Variants in HARS1 observed in about 807,000 individuals in gnomAD.
HARS1 encodes the protein histidine--tRNA ligase, cytoplasmic.
Under a neutral mutation model 63.6 loss-of-function variants are expected in HARS1, and 45 were observed. The ratio of observed to expected loss-of-function variants is 0.71; its 90% CI spans 0.56 to 0.91. HARS1 has a LOEUF of 0.91. Ranked by LOEUF, HARS1 falls within the 40% of genes least tolerant of loss-of-function variation. The pLI is 0.00. For synonymous variants in HARS1, 205 were observed against 247.1 expected (o/e 0.83, Z 1.60); for missense variants, 508 against 643.2 (o/e 0.79, Z 2.27).
rs1758593778 is a variant in HARS1 at position 140,679,538 on chromosome 5, T to C, written c.396+250A>G. 2.2e-6 allele frequency: 1 copy of C among 463,632 alleles called. No homozygotes were observed. The highest frequency in any genetic ancestry group is 3.8e-6 in the Non-Finnish European group (1 of 263,900). 28.7% of individuals were successfully genotyped at this position (463,632 alleles called of 1,614,324 possible). On this transcript the variant is annotated intron_variant, in intron 4 of 12. Coordinates refer to ENST00000504156, the MANE Select transcript of HARS1 (RefSeq NM_002109.6). This position sits in a 1 kb window ranked among gnomAD's most constrained non-coding sequence, Gnocchi z 4.3. ...TGGACAGGGCAGGGGAGAGGTATTCTGGAGCCAGGGGATGACTGTAGAGTT... is the reference window on the plus strand; with the variant it reads ...TGGACAGGGCAGGGGAGAGGTATTCCGGAGCCAGGGGATGACTGTAGAGTT...
intron 3 of HARS1, among the ~76,000 whole-genome samples, chr5:140,680,326 T>C (rs1260100270): frequency 6.6e-6 from 1 of 151,976 alleles, no homozygotes; most frequent in Non-Finnish European, 1.5e-5. Flanking sequence ...TTTGTATTTT[T>C]AGTAGAGACA....
chr5:140,682,338 G>T (rs1240339567), intron 3 of HARS1, among the ~76,000 whole-genome samples: 1 of 152,158 alleles, frequency 6.6e-6, no homozygotes, highest in Non-Finnish European at 1.5e-5. Context: ...AAGAACAAAG[G>T]TGTGGAGGTA....
At position 140,677,059 on chromosome 5, in the gene HARS1, T is replaced by G. The variant is rs1758417980; in HGVS notation, c.881A>C (p.Gln294Pro). The G allele has an allele frequency of 1.2e-6, 2 of 1,614,052 alleles. No individual in the cohort carries two copies. The highest frequency in any genetic ancestry group is 2.7e-5 in the African/African-American group (2 of 74,932). Reference sequence around the variant, plus strand: ...CAGGTCTCCCAGGCCCTCCAAGGCCTGCTTGTTTTGGGATAGTTTAGGATC... The same window carrying G: ...CAGGTCTCCCAGGCCCTCCAAGGCCGGCTTGTTTTGGGATAGTTTAGGATC... ...LQDPKLSQNK[Q>P]ALEGLGDLKL... The change falls in exon 9 of 13, where the codon CAG becomes CCG. Residue 294 changes from glutamine (Q) to proline (P), a missense_variant. Gln to Pro is a moderately conservative substitution (Grantham distance 76, BLOSUM62 -1). Around this residue, in one of 2 missense-constraint regions of HARS1, gnomAD observed 403 missense variants for 548.7 expected, o/e 0.73. Transcript: ENST00000504156.
In HARS1 at chr5:140,679,240, CATA is replaced by C; in HGVS notation, c.397-116_397-114del. On this transcript the variant is annotated intron_variant, in intron 4 of 12. Coordinates refer to ENST00000504156, the MANE Select transcript of HARS1 (RefSeq NM_002109.6). The surrounding 1 kb of genome is among the most constrained non-coding windows in gnomAD (Gnocchi z 4.3). ...TCCCTATGTGGGTAAAACTGCCACC[CATA>C]AGATTAATAGCACTTACAAACATCA... 1.1e-6 allele frequency: 1 copy of C among 925,328 alleles called. No homozygotes were observed. 57.3% of individuals were successfully genotyped at this position (925,328 alleles called of 1,614,324 possible).
At position 140,677,056 on chromosome 5, in the gene HARS1, G is replaced by A. The variant is rs1758417039; in HGVS notation, c.884C>T (p.Ala295Val). Reference sequence around the variant, plus strand: ...CTTCAGGTCTCCCAGGCCCTCCAAGGCCTGCTTGTTTTGGGATAGTTTAGG... The same window carrying A: ...CTTCAGGTCTCCCAGGCCCTCCAAGACCTGCTTGTTTTGGGATAGTTTAGG... ...QDPKLSQNKQ[A>V]LEGLGDLKLL... Residue 295 changes from alanine to valine, a missense_variant, in exon 9 of 13, where the codon GCC becomes GTC. Physicochemically the swap from Ala to Val is moderately conservative, Grantham distance 64 (BLOSUM62 0). This residue lies in a region of HARS1 where 403 missense variants were observed against 548.7 expected (regional missense o/e 0.73). Transcript: ENST00000504156. The A allele has an allele frequency of 6.2e-7, 1 of 1,613,974 alleles. No homozygotes were observed. Among genetic ancestry groups the A allele is most frequent in the African/African-American group, 1.3e-5 (1 of 74,908 alleles).
intron 2 of HARS1, chr5:140,685,324 G>C (rs1245935961): frequency 1.3e-5 from 2 of 152,096 alleles, no homozygotes; most frequent in Non-Finnish European, 2.9e-5. Context: ...TTGTTTAATG[G>C]GTACAGAGTT....
chr5:140,689,395 G>C (rs983479363), intron 2 of HARS1, among the ~76,000 whole-genome samples: 10 of 152,074 alleles, frequency 6.6e-5, no homozygotes, highest in Admixed American at 3.9e-4. Flanking sequence ...CAATGTAAAG[G>C]CTATGTAAAT....
intron 12 of HARS1, 86 bp downstream of exon 12, chr5:140,674,593 G>T: frequency 5.5e-6 from 8 of 1,452,804 alleles, no homozygotes; most frequent in Non-Finnish European, 7.7e-6. Context: ...TCAATGCCAG[G>T]CTTTTTCTCA....
Position 140,679,682 on chromosome 5 carries a change from C to T in HARS1, c.396+106G>A, listed in dbSNP as rs534302664. The T allele has an allele frequency of 1.2e-5, 7 of 578,376 alleles. No homozygotes were observed. Among genetic ancestry groups the T allele is most frequent in the South Asian group, 7.5e-5 (3 of 39,964 alleles). 35.8% of individuals were successfully genotyped at this position (578,376 alleles called of 1,614,324 possible). A position where few individuals can be genotyped will look rare whatever the true frequency, so the allele number is the denominator to read the frequency against. Reference sequence around the variant, plus strand: ...GGTTTAGAGAAATAATTCCCCTAATCGCCAAAGGCCTCATATTTGATCCTA... The same window carrying T: ...GGTTTAGAGAAATAATTCCCCTAATTGCCAAAGGCCTCATATTTGATCCTA... On this transcript the variant is annotated intron_variant, in intron 4 of 12. Coordinates refer to ENST00000504156, the MANE Select transcript of HARS1 (RefSeq NM_002109.6). The surrounding 1 kb of genome is among the most constrained non-coding windows in gnomAD (Gnocchi z 4.3).
chr5:140,683,202 ACTATAGTCTCTTGTGCCCTTGG>A lies in HARS1; in HGVS notation c.181-5_197del. ...TCTCGCGAACTGCCATCTGCCGGGG[ACTATAGTCTCTTGTGCCCTTGG>A]AGTTGAAATCAGCCAGAGAACCAGA... On this transcript the variant is annotated splice_acceptor_variant and splice_polypyrimidine_tract_variant and coding_sequence_variant and intron_variant, in exon 3 of 13. Coordinates refer to ENST00000504156, the MANE Select transcript of HARS1 (RefSeq NM_002109.6). LOFTEE classifies it high-confidence loss of function. The A allele has an allele frequency of 6.2e-7, 1 of 1,613,810 alleles. No homozygotes were observed. Among genetic ancestry groups the A allele is most frequent in the South Asian group, 1.1e-5 (1 of 91,080 alleles).
chr5:140,681,934 A>G (rs576809047), intron 3 of HARS1, among the ~76,000 whole-genome samples: 1 of 152,382 alleles, frequency 6.6e-6, no homozygotes, highest in South Asian at 2.1e-4. Flanking sequence ...AAAAAGAGAC[A>G]TTGATGAAGG....
In HARS1 at chr5:140,675,038, TTC is replaced by T; in HGVS notation, c.1288_1289del (p.Glu430ThrfsTer9). 1 of 1,611,958 alleles carries T rather than the reference TTC, an allele frequency of 6.2e-7. No homozygotes were observed. The highest frequency in any genetic ancestry group is 8.5e-7 in the Non-Finnish European group (1 of 1,178,060). ...ATACCTTGATCCCAGCATCCCACAG[TTC>T]TGAGACAAGCTTTAGTCTTTCCTCT... ...LLEERLKLVS[E>X]LWDAGIKAEL... On this transcript the variant is annotated frameshift_variant, in exon 11 of 13. Transcript: ENST00000504156. LOFTEE classifies it high-confidence loss of function.
intron 3 of HARS1, 130 bp downstream of exon 3, chr5:140,682,970 T>C: frequency 2.6e-6 from 2 of 771,724 alleles, no homozygotes; most frequent in Non-Finnish European, 2.1e-6. Context: ...CCCCTTCTTA[T>C]TGGAGCAAAG....
chr5:140,690,975 CATCT>C, intron 1 of HARS1, 31 bp from the exon 2 acceptor site: 1 of 1,248,626 alleles, frequency 8.0e-7, no homozygotes, highest in Middle Eastern at 1.9e-4. Context: ...CTGAGCTATC[CATCT>C]GTCACTCTCC....
chr5:140,678,758 C>T (rs1177267891), intron 5 of HARS1: 2 of 317,284 alleles, frequency 6.3e-6, no homozygotes, highest in Admixed American at 4.9e-5. Context: ...GCAGAAGAAT[C>T]GTTTGAACCC....
chr5:140,677,478 T>G, intron 7 of HARS1, 58 bp from the exon 8 acceptor site: 1 of 1,344,880 alleles, frequency 7.4e-7, no homozygotes, highest in Non-Finnish European at 1.1e-6. Flanking sequence ...ACAGAGCAAG[T>G]GTGTACTGTC....
chr5:140,686,504 G>A (rs1415529984), intron 2 of HARS1, among the ~76,000 whole-genome samples: 3 of 152,024 alleles, frequency 2.0e-5, no homozygotes, highest in Non-Finnish European at 4.4e-5. Context: ...CTCTCAAAGT[G>A]CTGGGATTAC....
chr5:140,690,839 A>G lies in HARS1; in HGVS notation c.180+16T>C. On this transcript the variant is annotated intron_variant, in intron 2 of 12. Transcript: ENST00000504156. ...TTAGAGACTTTCTCAGTGGCTCCCT[A>G]CAGGAATGATATTACCTTGGGGGTT... 3.5e-6 allele frequency: 5 copies of G among 1,423,522 alleles called. No homozygotes were observed. Among genetic ancestry groups the G allele is most frequent in the Admixed American group, 1.7e-5 (1 of 59,824 alleles). The allele number at this position is 1,423,522 out of a possible 1,614,324, so 88.2% of individuals were successfully genotyped here. A position where few individuals can be genotyped will look rare whatever the true frequency, so the allele number is the denominator to read the frequency against.
rs1050248 is a variant in HARS1 at position 140,677,367 on chromosome 5, A to G, written c.783T>C (p.Pro261=). The change falls in exon 8 of 13, where the codon CCT becomes CCC. Residue 261 remains proline, a synonymous_variant. Coordinates refer to ENST00000504156, the MANE Select transcript of HARS1 (RefSeq NM_002109.6). ...AGTCCCCAATGCGGTCAGCCACCTC[A>G]GGTGCAAGGCCCTTCTCTCCCACCA... The part of the protein sequence containing the change: ...NEMVGEKGLA[P]EVADRIGDYV... The G allele has an allele frequency of 4.3e-6, 7 of 1,613,862 alleles. No homozygotes were observed. Among genetic ancestry groups the G allele is most frequent in the Non-Finnish European group, 5.9e-6 (7 of 1,179,824 alleles).
Sources: allele counts gnomAD v4.1 joint callset (sites outside exome capture counted in the v4.1 genomes callset), GRCh38; gene constraint gnomAD v4.1.1; regional missense constraint gnomAD v4.1.1; non-coding constraint Gnocchi (gnomAD v3.1); transcripts MANE v1.5; gene names NCBI Gene and HGNC (gene_info 2026-07-23, HGNC 2026-07-21).